SLC7A7: variants seen among roughly 807,000 people sequenced by gnomAD.
The protein encoded by SLC7A7 is solute carrier family 7 member 7.
Under a neutral mutation model 47.9 loss-of-function variants are expected in SLC7A7, and 39 were observed. That is an observed-to-expected ratio of 0.81 (90% confidence interval 0.63 to 1.06). The LOEUF is 1.06. Among genes scored for constraint, SLC7A7 ranks in the 50% least tolerant of loss-of-function variants. The pLI is 0.00. For synonymous variants in SLC7A7, 234 were observed against 242.8 expected, an observed-to-expected ratio of 0.96 and a Z score of 0.34; for missense variants, 588 against 632.0, an observed-to-expected ratio of 0.93 and a Z score of 0.75.
In SLC7A7 at chr14:22,773,938, A is replaced by G. The variant is rs1407085102; in HGVS notation, c.1424T>C (p.Ile475Thr). The G allele has an allele frequency of 6.2e-7, 1 of 1,613,986 alleles. No homozygotes were observed. Among genetic ancestry groups the G allele is most frequent in the Non-Finnish European group, 8.5e-7 (1 of 1,180,058 alleles). The change falls in exon 9 of 10, where the codon ATC becomes ACC. Residue 475 changes from isoleucine (I) to threonine (T), a missense_variant. Transcript: ENST00000674313. The part of the protein sequence containing the change: ...EHKRPLYLRR[I>T]VGSATRYLQV... ...CTTAAGGATGCACGGCTTACCCACGATCCTTCGGAGGTAAAGCGGTCGCTT... is the reference window on the plus strand; with the variant it reads ...CTTAAGGATGCACGGCTTACCCACGGTCCTTCGGAGGTAAAGCGGTCGCTT...
chr14:22,782,074 C>G (rs1261390989), intron 2 of SLC7A7, among the ~76,000 whole-genome samples: 1 of 152,034 alleles, frequency 6.6e-6, no homozygotes, highest in Non-Finnish European at 1.5e-5. Flanking sequence ...AATGGAAATA[C>G]ATGGCTTGTT....
chr14:22,812,869 AC>A, intron 2 of SLC7A7, 30 bp downstream of exon 2: 1 of 1,606,852 alleles, frequency 6.2e-7, no homozygotes, highest in Non-Finnish European at 8.5e-7. Context: ...CCAGCCCTCC[AC>A]CCACCACCTC....
chr14:22,777,418 G>A (rs1453471319), intron 4 of SLC7A7, among the ~76,000 whole-genome samples: 6 of 152,144 alleles, frequency 3.9e-5, no homozygotes, highest in Non-Finnish European at 5.9e-5. Flanking sequence ...CTGACTAGCA[G>A]CCTGGAAGAT....
At chr14:22,806,929 G>A (rs1456292903) in intron 2 of SLC7A7, among the ~76,000 whole-genome samples, 3 of 130,146 alleles carry the variant, frequency 2.3e-5, no homozygotes, top group Non-Finnish European at 3.1e-5. Flanking sequence ...ACGGAGTCTC[G>A]CTCTGTCGCC....
At chr14:22,779,191 T>A (rs2038671275) in intron 3 of SLC7A7, among the ~76,000 whole-genome samples, 1 of 152,144 alleles carries the variant, frequency 6.6e-6, no homozygotes, top group Non-Finnish European at 1.5e-5. Context: ...CTTTCTAGGA[T>A]AAGAAACCAC....
chr14:22,809,342 C>CTTTTT (rs572640614), intron 2 of SLC7A7, among the ~76,000 whole-genome samples: 13 of 133,668 alleles, frequency 9.7e-5, no homozygotes, highest in African/African-American at 2.8e-4. Context: ...CCACACCCAG[C>CTTTTT]TTTTTTTTTT....
chr14:22,813,513 C>T lies in SLC7A7; in HGVS notation c.-42-73G>A. 2.3e-6 allele frequency: 3 copies of T among 1,328,784 alleles called. No individual in the cohort carries two copies. The African/African-American group carries it at 4.3e-5, about 19-fold the overall frequency. 82.3% of individuals were successfully genotyped at this position (1,328,784 alleles called of 1,614,324 possible). A position where few individuals can be genotyped will look rare whatever the true frequency, so the allele number is the denominator to read the frequency against. The stretch of plus-strand genomic sequence containing the variant: ...ATAGAACCTCTACCCGCCTCCAACA[C>T]AGGGTAATACGGGCAGCTCACCAAC... On this transcript the variant is annotated intron_variant, in intron 1 of 9. Transcript: ENST00000674313.
At position 22,802,426 on chromosome 14, in the gene SLC7A7, ACAAAC is replaced by A. The variant is rs1566457934; in HGVS notation, c.499+10469_499+10473del. Among the ~76,000 whole-genome samples the A allele has an allele frequency of 5.7e-4, 58 of 101,532 alleles. 1 individual carries two copies. The highest frequency in any genetic ancestry group is 1.0e-3 in the Non-Finnish European group (43 of 41,744). The allele number at this position is 101,532 out of a possible 152,430, so 66.6% of individuals were successfully genotyped here. ...TCAAAACAACAACAACAACAACCAA[ACAAAC>A]AAACAAAAAAAATATTTATCAAGCT... On this transcript the variant is annotated intron_variant, in intron 2 of 9. Transcript: ENST00000674313.
chr14:22,806,944 C>A (rs1393167473), intron 2 of SLC7A7, among the ~76,000 whole-genome samples: 1 of 141,912 alleles, frequency 7.0e-6, no homozygotes, highest in African/African-American at 2.6e-5. Flanking sequence ...GTCGCCCAGG[C>A]TAGAGTGCAG....
chr14:22,786,137 G>A (rs1179426869), intron 2 of SLC7A7, among the ~76,000 whole-genome samples: 2 of 151,546 alleles, frequency 1.3e-5, no homozygotes, highest in African/African-American at 4.9e-5. Flanking sequence ...TGCCCAACAT[G>A]GTGAAAACCT....
At chr14:22,806,308 G>A (rs1484179027) in intron 2 of SLC7A7, among the ~76,000 whole-genome samples, 1 of 141,856 alleles carries the variant, frequency 7.0e-6, no homozygotes, top group Non-Finnish European at 1.5e-5. Flanking sequence ...CGATTCTCCT[G>A]CCTCAGCCTC....
rs139584841 is a variant in SLC7A7, at chr14:22,801,375, C to G, written c.499+11525G>C. ...TCTTGATTAATTCTTCTTCGCCATT[C>G]AGGTATCAGCTCAAACTTCTACAGG... On this transcript the variant is annotated intron_variant, in intron 2 of 9. Coordinates refer to ENST00000674313, the MANE Select transcript of SLC7A7 (RefSeq NM_003982.4). Among the ~76,000 whole-genome samples, 366 of 152,216 alleles carry G rather than the reference C, an allele frequency of 2.4e-3. 2 individuals are homozygous for G. Among genetic ancestry groups the G allele is most frequent in the African/African-American group, 8.4e-3 (351 of 41,544 alleles).
chr14:22,802,445 A>T (rs1274293834), intron 2 of SLC7A7, among the ~76,000 whole-genome samples: 1 of 150,750 alleles, frequency 6.6e-6, no homozygotes, highest in South Asian at 2.1e-4. Context: ...CAAAAAAAAT[A>T]TTTATCAAGC....
At chr14:22,791,186 C>T (rs2038918326) in intron 2 of SLC7A7, among the ~76,000 whole-genome samples, 1 of 152,116 alleles carries the variant, frequency 6.6e-6, no homozygotes, top group Non-Finnish European at 1.5e-5. Flanking sequence ...TTTATCTAGG[C>T]ATTTTTCTCC....
intron 4 of SLC7A7, among the ~76,000 whole-genome samples, chr14:22,777,110 C>T (rs578137397): frequency 7.1e-6 from 1 of 140,972 alleles, no homozygotes; most frequent in Admixed American, 7.4e-5. Context: ...GGCCACTGCA[C>T]TCCAGCCTGG....
chr14:22,785,854 C>G (rs1415501026), intron 2 of SLC7A7, among the ~76,000 whole-genome samples: 1 of 151,820 alleles, frequency 6.6e-6, no homozygotes, highest in Admixed American at 6.6e-5. Context: ...AACCCCATCT[C>G]TACTAAAAAT....
At position 22,773,977 on chromosome 14, in the gene SLC7A7, CT is replaced by C; in HGVS notation, c.1384del (p.Arg462GlufsTer57). On this transcript the variant is annotated frameshift_variant, in exon 9 of 10. Transcript: ENST00000674313. LOFTEE classifies it high-confidence loss of function. ...SGLPFYFLII[R>X]VPEHKRPLYL... ...AAGCGGTCGCTTATGTTCTGGCACT[CT>C]GATGATGAGGAAGTAAAAGGGCAGG... 6.2e-7 allele frequency: 1 copy of C among 1,614,140 alleles called. No individual in the cohort carries two copies. The highest frequency in any genetic ancestry group is 8.5e-7 in the Non-Finnish European group (1 of 1,180,032).
upstream of SLC7A7, among the ~76,000 whole-genome samples, chr14:22,818,584 T>G (rs1322832511): frequency 4.7e-5 from 4 of 84,224 alleles, no homozygotes; most frequent in African/African-American, 7.0e-5. Flanking sequence ...AGGTTTTTGG[T>G]TTTTTTTTTT....
intron 2 of SLC7A7, among the ~76,000 whole-genome samples, chr14:22,782,413 TA>T (rs201191236): frequency 0.068 from 8,971 of 132,476 alleles, 552 homozygotes; most frequent in East Asian, 0.32. Flanking sequence ...TATATTTTAT[TA>T]TTTTTTTTTA....
Sources: allele counts gnomAD v4.1 joint callset (sites outside exome capture counted in the v4.1 genomes callset), GRCh38; gene constraint gnomAD v4.1.1; transcripts MANE v1.5; gene names NCBI Gene and HGNC (gene_info 2026-07-23, HGNC 2026-07-21).